The following GK variants were observed in gnomAD, a reference collection of about 807,000 sequenced individuals.
The protein encoded by GK is ATP:glycerol 3-phosphotransferase.
Under a neutral mutation model 56.4 loss-of-function variants are expected in GK, and 9 were observed. That is an observed-to-expected ratio of 0.16 (90% confidence interval 0.10 to 0.28). GK has a LOEUF of 0.28. Ranked by LOEUF, GK falls within the 10% of genes least tolerant of loss-of-function variation. The pLI is 1.00. For missense variants in GK, 161 were observed against 431.4 expected, an observed-to-expected ratio of 0.37 and a Z score of 5.55; for synonymous variants, 104 against 144.1, an observed-to-expected ratio of 0.72 and a Z score of 1.99.
intron 6 of GK, chrX:30,695,192 C>T: frequency 1.1e-6 from 1 of 900,049 alleles, no homozygotes; most frequent in Non-Finnish European, 1.4e-6. Flanking sequence ...ATTGTCCCCA[C>T]TCTCACTTGA....
intron 9 of GK, among the ~76,000 whole-genome samples, chrX:30,698,834 C>T (rs764910332): frequency 1.1e-5 from 1 of 87,157 alleles, no homozygotes; most frequent in Non-Finnish European, 2.1e-5. Flanking sequence ...CCATTGCATG[C>T]CAGCCTGGGC....
At chrX:30,667,108 T>C (rs189276958) in intron 2 of GK, among the ~76,000 whole-genome samples, 21 of 110,491 alleles carry the variant, frequency 1.9e-4, no homozygotes, top group East Asian at 8.5e-4. Flanking sequence ...GAGCCGAGAT[T>C]GCGCCACTGC....
intron 2 of GK, among the ~76,000 whole-genome samples, chrX:30,667,141 G>A (rs866983654): frequency 1.0e-4 from 11 of 110,421 alleles, no homozygotes; most frequent in Middle Eastern, 4.6e-3. Flanking sequence ...ACGACAGAGC[G>A]AGACTCCATC....
intron 4 of GK, 33 bp downstream of exon 4, chrX:30,677,485 G>A (rs773105496): frequency 1.8e-5 from 14 of 791,492 alleles, no homozygotes; most frequent in Non-Finnish European, 2.3e-5. Context: ...CAAATGTAGG[G>A]CCTTTCTTCA....
chrX:30,693,133 C>T (rs1453006157), intron 5 of GK, among the ~76,000 whole-genome samples: 1 of 105,815 alleles, frequency 9.5e-6, no homozygotes, highest in Non-Finnish European at 1.9e-5. Flanking sequence ...TCTCCTGCCT[C>T]AGCCTCCTGT....
At chrX:30,671,398 T>C (rs1484107819) in intron 3 of GK, among the ~76,000 whole-genome samples, 1 of 110,998 alleles carries the variant, frequency 9.0e-6, no homozygotes, top group Non-Finnish European at 1.9e-5. Flanking sequence ...GCAGGTTATG[T>C]AGCTTTTTAG....
intron 7 of GK, among the ~76,000 whole-genome samples, chrX:30,696,361 T>C (rs1229307935): frequency 8.9e-6 from 1 of 112,230 alleles, no homozygotes; most frequent in African/African-American, 3.2e-5. Flanking sequence ...TCACGGAAGT[T>C]TAGGTTCCTT....
intron 13 of GK, among the ~76,000 whole-genome samples, chrX:30,712,424 C>A (rs1175180158): frequency 9.0e-6 from 1 of 111,388 alleles, no homozygotes; most frequent in African/African-American, 3.3e-5. Context: ...TGGGGGAATG[C>A]TAGTTTACTC....
intron 18 of GK, chrX:30,721,602 C>G (rs764293744): frequency 8.6e-6 from 1 of 115,706 alleles, no homozygotes. Context: ...CCGCGCCCGG[C>G]CATAGCCTTT....
Position 30,706,053 on chromosome X carries a change from G to A in GK, c.852-1503G>A, listed in dbSNP as rs752561494. ...TTGAAACATGTAGCTTTTTCAGTGT[G>A]CGGCAATAAAACGGTATAGTGATTT... On this transcript the variant is annotated intron_variant, in intron 11 of 20. Coordinates refer to ENST00000427190, the MANE Select transcript of GK (RefSeq NM_001205019.2). Among the ~76,000 whole-genome samples, 6 of 111,815 alleles carry A rather than the reference G, an allele frequency of 5.4e-5. No individual in the cohort carries two copies. The East Asian group carries it at 1.4e-3, about 26-fold the overall frequency.
chrX:30,667,936 T>A (rs1330403544), intron 2 of GK, 76 bp from the exon 3 acceptor site: 4 of 594,214 alleles, frequency 6.7e-6, no homozygotes, highest in Admixed American at 2.4e-5. Context: ...CACACCCTCA[T>A]AAGTTAACAT....
At chrX:30,688,569 C>G (rs1329071597) in intron 4 of GK, among the ~76,000 whole-genome samples, 2 of 105,056 alleles carry the variant, frequency 1.9e-5, no homozygotes, top group African/African-American at 6.9e-5. Flanking sequence ...TAGTATTATA[C>G]TGAATTACTT....
Position 30,676,106 on chromosome X carries a change from A to T in GK, c.260-1269A>T, listed in dbSNP as rs189771723. ...ACGCCAGGCCATCTGGCTAATTTTT[A>T]AAAATTTTTTTATAGAGACTGGGTT... is the stretch of plus-strand genomic sequence containing the variant. On this transcript the variant is annotated intron_variant, in intron 3 of 20. Coordinates refer to ENST00000427190, the MANE Select transcript of GK (RefSeq NM_001205019.2). Among the ~76,000 whole-genome samples the T allele has an allele frequency of 6.6e-3, 731 of 111,343 alleles. 7 individuals are homozygous for T. Among genetic ancestry groups the T allele is most frequent in the African/African-American group, 0.022 (688 of 30,648 alleles).
At chrX:30,673,573 T>C (rs747505865) in intron 3 of GK, among the ~76,000 whole-genome samples, 1 of 111,594 alleles carries the variant, frequency 9.0e-6, no homozygotes, top group African/African-American at 3.3e-5. Context: ...AGTAAAGACA[T>C]GTTTGTGGCT....
At chrX:30,699,214 T>TAC (rs1569161824) in intron 9 of GK, among the ~76,000 whole-genome samples, 3 of 99,210 alleles carry the variant, frequency 3.0e-5, no homozygotes, top group African/African-American at 1.1e-4. Context: ...GTTATATATA[T>TAC]ACATGTTATA....
rs61730295 is a variant in GK at position 30,724,123 on chromosome X, A to G, written c.1524A>G (p.Thr508=). ...TAGAAAGTGAAATTCGTTATTCTAC[A>G]TGGAAGAAAGCTGTGATGAAGTCAA... ...NAEESEIRYS[T]WKKAVMKSMG... The change falls in exon 19 of 21, where the codon ACA becomes ACG. Residue 508 remains threonine, a synonymous_variant. Coordinates refer to ENST00000427190, the MANE Select transcript of GK (RefSeq NM_001205019.2). The G allele has an allele frequency of 2.6e-6, 3 of 1,175,337 alleles. No homozygotes were observed. The highest frequency in any genetic ancestry group is 3.5e-6 in the Non-Finnish European group (3 of 863,081).
At chrX:30,653,646 T>C (rs1163229737) in intron 1 of GK, 31 bp downstream of exon 1, 2 of 1,144,682 alleles carry the variant, frequency 1.7e-6, no homozygotes, top group Non-Finnish European at 1.2e-6. Flanking sequence ...GAAGAGGCGC[T>C]GAGCCGGGGC....
intron 3 of GK, among the ~76,000 whole-genome samples, chrX:30,671,307 A>C (rs1019416439): frequency 9.2e-6 from 1 of 108,323 alleles, no homozygotes; most frequent in Non-Finnish European, 1.9e-5. Flanking sequence ...AAAAAAAAAA[A>C]AAAAAAAACA....
intron 20 of GK, 51 bp downstream of exon 20, chrX:30,727,603 C>T (rs543942708): frequency 5.4e-5 from 42 of 780,949 alleles, no homozygotes; most frequent in African/African-American, 4.7e-4. Flanking sequence ...TTAATGTTTT[C>T]GTGTATAACT....
Sources: allele counts gnomAD v4.1 joint callset (sites outside exome capture counted in the v4.1 genomes callset), GRCh38; gene constraint gnomAD v4.1.1; transcripts MANE v1.5; gene names NCBI Gene and HGNC (gene_info 2026-07-23, HGNC 2026-07-21).